The following SYCP2 variants were observed in gnomAD, a reference collection of about 807,000 sequenced individuals.
SYCP2 encodes the protein synaptonemal complex lateral element protein.
In SYCP2, 55 loss-of-function variants were observed where a neutral mutation model predicts 211.3. The ratio of observed to expected loss-of-function variants is 0.26; its 90% CI spans 0.21 to 0.33. The LOEUF (loss-of-function observed/expected upper bound fraction) is 0.33. Ranked by LOEUF, SYCP2 falls within the 10% of genes least tolerant of loss-of-function variation. SYCP2 has a pLI of 1.00. For synonymous variants in SYCP2, 570 were observed against 555.2 expected (o/e 1.03, Z -0.37); for missense variants, 1,731 against 1,752.0 (o/e 0.99, Z 0.21).
intron 39 of SYCP2, among the ~76,000 whole-genome samples, chr20:59,867,345 T>C (rs904350857): frequency 3.3e-5 from 5 of 151,622 alleles, no homozygotes; most frequent in African/African-American, 7.3e-5. Flanking sequence ...TGAAATGGTA[T>C]TGCTCTGACT....
intron 9 of SYCP2, 67 bp downstream of exon 9, chr20:59,915,398 G>A (rs2060419863): frequency 2.6e-6 from 3 of 1,172,330 alleles, no homozygotes; most frequent in Non-Finnish European, 1.2e-6. Context: ...CAAACTCATA[G>A]TTGTCTGTCT....
At chr20:59,908,013 A>G (rs1476679772) in intron 14 of SYCP2, among the ~76,000 whole-genome samples, 1 of 152,174 alleles carries the variant, frequency 6.6e-6, no homozygotes, top group African/African-American at 2.4e-5. Flanking sequence ...TTGGGAGGCC[A>G]AGGCAGGCGG....
chr20:59,900,264 T>A lies in SYCP2; in HGVS notation c.1278A>T (p.Gln426His). ...CGAGCTCTTCTCCGACTGGTGAGAT[T>A]TGACTTTCTGGCACTAGAATCTGTT... ...SGSQILVPESQISPVGEELVS... is the reference protein window; with the variant it reads ...SGSQILVPESHISPVGEELVS... Residue 426 changes from glutamine (Q) to histidine (H), a missense_variant, in exon 18 of 45, where the codon CAA becomes CAT. This residue lies in a region of SYCP2 where 1,387 missense variants were observed against 1,351.3 expected (regional missense o/e 1.03). Coordinates refer to ENST00000357552, the MANE Select transcript of SYCP2 (RefSeq NM_014258.4). 1 of 1,605,704 alleles carries A rather than the reference T, an allele frequency of 6.2e-7. No homozygotes were observed. The highest frequency in any genetic ancestry group is 1.7e-4 in the Middle Eastern group (1 of 6,002).
intron 35 of SYCP2, among the ~76,000 whole-genome samples, chr20:59,872,559 T>C (rs1388490817): frequency 6.6e-6 from 1 of 152,066 alleles, no homozygotes; most frequent in Admixed American, 6.6e-5. Flanking sequence ...TAAACAATCA[T>C]AGGTATGTAT....
Position 59,901,707 on chromosome 20 carries a change from T to C in SYCP2, c.1137A>G (p.Glu379=). 1 of 1,604,200 alleles carries C rather than the reference T, an allele frequency of 6.2e-7. No homozygotes were observed. The part of the protein sequence containing the change: ...ELLLYFDASL[E]ITNVTQKIFG... ...AAATTTTTTGAGTTACATTAGTGATTTCTAGTGATGCGTCAAAATACAAAA... is the reference window on the plus strand; with the variant it reads ...AAATTTTTTGAGTTACATTAGTGATCTCTAGTGATGCGTCAAAATACAAAA... Residue 379 remains glutamate, a synonymous_variant, in exon 16 of 45, where the codon GAA becomes GAG. Transcript: ENST00000357552.
intron 14 of SYCP2, among the ~76,000 whole-genome samples, chr20:59,908,656 CA>C (rs2060257907): frequency 6.6e-6 from 1 of 152,254 alleles, no homozygotes; most frequent in African/African-American, 2.4e-5. Flanking sequence ...TGGCAATTTT[CA>C]AACAGATTTT....
chr20:59,915,864 C>T (rs191245927), intron 8 of SYCP2, among the ~76,000 whole-genome samples: 3 of 152,090 alleles, frequency 2.0e-5, no homozygotes, highest in East Asian at 1.9e-4. Context: ...CATGGTAACA[C>T]GTGCCTGTAA....
At chr20:59,906,622 T>C (rs2060218474) in intron 15 of SYCP2, among the ~76,000 whole-genome samples, 1 of 152,102 alleles carries the variant, frequency 6.6e-6, no homozygotes, top group South Asian at 2.1e-4. Context: ...AACATCTTAG[T>C]GATTTAAGAG....
At chr20:59,924,720 T>C (rs1221155488) in intron 2 of SYCP2, among the ~76,000 whole-genome samples, 4 of 151,656 alleles carry the variant, frequency 2.6e-5, no homozygotes, top group African/African-American at 9.7e-5. Flanking sequence ...TACAAAACAG[T>C]TGGAAATAAA....
At chr20:59,880,615 T>C in intron 30 of SYCP2, 144 bp from the exon 31 acceptor site, 1 of 568,532 alleles carries the variant, frequency 1.8e-6, no homozygotes. Flanking sequence ...AACATCCTAA[T>C]TTAGGATGGC....
chr20:59,876,286 G>A (rs780522645), intron 33 of SYCP2, among the ~76,000 whole-genome samples: 8 of 141,192 alleles, frequency 5.7e-5, no homozygotes, highest in Middle Eastern at 3.5e-3. Flanking sequence ...CAGGACAATC[G>A]TTTGAACACT....
chr20:59,881,168 T>TATAA (rs1196840202), intron 29 of SYCP2, 145 bp from the exon 30 acceptor site: 1 of 567,056 alleles, frequency 1.8e-6, no homozygotes, highest in Non-Finnish European at 3.1e-6. Context: ...ACTTATCCTC[T>TATAA]CTGACCTCAG....
At chr20:59,920,509 A>G (rs781520144) in intron 4 of SYCP2, 22 bp from the exon 5 acceptor site, 135 of 1,553,206 alleles carry the variant, frequency 8.7e-5, no homozygotes, top group Non-Finnish European at 1.1e-4. Flanking sequence ...GGTATACATT[A>G]AAATTTCTGT....
At position 59,866,557 on chromosome 20, in the gene SYCP2, C is replaced by T. The variant is rs58905758; in HGVS notation, c.4158G>A (p.Thr1386=). The part of the protein sequence containing the change: ...IRHKMLSYFT[T]QSWKTAQQHL... ...GTTGCTGAGCTGTTTTCCAAGACTG[C>T]GTAGTAAAATAACTCAACATTTTAT... The change falls in exon 40 of 45, where the codon ACG becomes ACA. Residue 1386 remains threonine (T), a synonymous_variant. Transcript: ENST00000357552. 2.7e-3 allele frequency: 4,285 copies of T among 1,603,302 alleles called. 95 individuals carry two copies. The African/African-American group carries it at 0.05, about 19-fold the overall frequency.
chr20:59,885,178 G>C (rs941196195), intron 26 of SYCP2: 3 of 152,044 alleles, frequency 2.0e-5, no homozygotes, highest in Non-Finnish European at 4.4e-5. Context: ...ATCTTTTAAA[G>C]GGAAAAGTGA....
At chr20:59,925,671 T>A (rs1275966273) in intron 2 of SYCP2, among the ~76,000 whole-genome samples, 11 of 152,060 alleles carry the variant, frequency 7.2e-5, no homozygotes, top group Admixed American at 7.2e-4. Flanking sequence ...GCCTCACTTG[T>A]TAACGTATTG....
chr20:59,894,332 G>C (rs2059966464), intron 20 of SYCP2, among the ~76,000 whole-genome samples: 1 of 151,952 alleles, frequency 6.6e-6, no homozygotes, highest in Non-Finnish European at 1.5e-5. Flanking sequence ...CACAATCCTA[G>C]CTAGGATGCT....
intron 44 of SYCP2, among the ~76,000 whole-genome samples, chr20:59,865,077 G>A (rs1430853770): frequency 6.6e-6 from 1 of 151,972 alleles, no homozygotes; most frequent in African/African-American, 2.4e-5. Flanking sequence ...TTCTCCTTCA[G>A]AAGACACAGC....
At chr20:59,887,150 C>G (rs545292150) in intron 24 of SYCP2, among the ~76,000 whole-genome samples, 4 of 151,998 alleles carry the variant, frequency 2.6e-5, no homozygotes, top group Admixed American at 6.6e-5. Context: ...ATCCCTCCCC[C>G]CTTCCCCTAC....
Sources: gnomAD v4.1 joint callset for allele counts (sites outside exome capture counted in the v4.1 genomes callset) on GRCh38, gnomAD v4.1.1 for gene constraint, gnomAD v4.1.1 regional missense constraint, MANE v1.5 for transcripts, NCBI Gene and HGNC (gene_info 2026-07-23, HGNC 2026-07-21) for gene names.